SLCO3A1: variants seen among roughly 807,000 people sequenced by gnomAD.
The protein encoded by SLCO3A1 is solute carrier organic anion transporter family member 3A1, also known as PGE1 transporter.
SLCO3A1 carries 27 observed loss-of-function variants against 63.1 expected under a neutral mutation model. The ratio of observed to expected loss-of-function variants is 0.43; its 90% CI spans 0.32 to 0.59. The LOEUF (loss-of-function observed/expected upper bound fraction) is 0.59, where lower values mean the gene tolerates loss of function less well. SLCO3A1 is among the 20% of genes least tolerant of loss of function. The pLI is 0.09. For missense variants in SLCO3A1, 773 were observed against 945.8 expected, an observed-to-expected ratio of 0.82 and a Z score of 2.40; for synonymous variants, 473 against 409.9, an observed-to-expected ratio of 1.15 and a Z score of -1.86.
intron 2 of SLCO3A1, among the ~76,000 whole-genome samples, chr15:92,001,214 G>T (rs796534346): frequency 7.1e-6 from 1 of 140,728 alleles, no homozygotes; most frequent in Non-Finnish European, 1.6e-5. Context: ...GTGGGTGGGC[G>T]GGGGGGAGGG....
chr15:92,108,577 T>C (rs2047692322), intron 4 of SLCO3A1, among the ~76,000 whole-genome samples: 1 of 152,218 alleles, frequency 6.6e-6, no homozygotes, highest in Non-Finnish European at 1.5e-5. Context: ...AGATAGTGTA[T>C]TAAATATCAT....
downstream of SLCO3A1, among the ~76,000 whole-genome samples, chr15:92,166,399 G>C (rs2048493963): frequency 6.6e-6 from 1 of 152,228 alleles, no homozygotes. Flanking sequence ...CTAGCAGGAG[G>C]GAGCGTGCCC....
At chr15:91,997,971 G>T (rs550499326) in intron 2 of SLCO3A1, among the ~76,000 whole-genome samples, 1 of 152,238 alleles carries the variant, frequency 6.6e-6, no homozygotes, top group African/African-American at 2.4e-5. Flanking sequence ...TTATGGCAAA[G>T]TCATCAAAAG....
intron 2 of SLCO3A1, among the ~76,000 whole-genome samples, chr15:91,995,621 A>T (rs1338586537): frequency 6.6e-6 from 1 of 151,934 alleles, no homozygotes; most frequent in Non-Finnish European, 1.5e-5. Context: ...GAGCAGACAG[A>T]GCCTTGGATG....
intron 2 of SLCO3A1, among the ~76,000 whole-genome samples, chr15:91,956,207 TGGCGTTCTACAGAATTC>T (rs982502284): frequency 6.6e-6 from 1 of 152,160 alleles, no homozygotes; most frequent in African/African-American, 2.4e-5. Flanking sequence ...GGTTGGTTTC[TGGCGTTCTACAGAATTC>T]CCTGGTGGCT....
At chr15:91,949,895 T>A (rs1270436366) in intron 2 of SLCO3A1, among the ~76,000 whole-genome samples, 1 of 152,082 alleles carries the variant, frequency 6.6e-6, no homozygotes, top group Non-Finnish European at 1.5e-5. Flanking sequence ...TGTTTCCAGC[T>A]ACTCGGGAGG....
chr15:91,853,735 A>G lies in SLCO3A1; in HGVS notation c.-174A>G. 6.2e-5 allele frequency: 23 copies of G among 370,658 alleles called. No homozygotes were observed. The highest frequency in any genetic ancestry group is 8.6e-5 in the Non-Finnish European group (23 of 267,402). The allele number at this position is 370,658 out of a possible 1,614,324, so 23.0% of individuals were successfully genotyped here. ...GATCGCGGCGGCGGCGGCGGCGGCGAGGAGCTGTGCCTTCCACCTCTCCAG... is the reference window on the plus strand; with the variant it reads ...GATCGCGGCGGCGGCGGCGGCGGCGGGGAGCTGTGCCTTCCACCTCTCCAG... On this transcript the variant is annotated 5_prime_UTR_variant, in exon 1 of 10. Transcript: ENST00000318445.
At chr15:91,998,593 C>T (rs1019502954) in intron 2 of SLCO3A1, among the ~76,000 whole-genome samples, 1 of 152,156 alleles carries the variant, frequency 6.6e-6, no homozygotes, top group Non-Finnish European at 1.5e-5. Flanking sequence ...CAACGAGATA[C>T]CATCTCATAC....
At chr15:91,879,019 C>T (rs1035935220) in intron 1 of SLCO3A1, among the ~76,000 whole-genome samples, 7 of 152,292 alleles carry the variant, frequency 4.6e-5, no homozygotes, top group African/African-American at 1.4e-4. Context: ...CTATGAAGTA[C>T]GTGACTCTAT....
At chr15:92,046,727 C>T (rs1051441410) in intron 2 of SLCO3A1, among the ~76,000 whole-genome samples, 61 of 151,522 alleles carry the variant, frequency 4.0e-4, no homozygotes, top group African/African-American at 1.5e-3. Flanking sequence ...TGATTTACTT[C>T]AGGTAGAGCA....
chr15:91,910,918 G>A (rs1386639534), intron 1 of SLCO3A1, among the ~76,000 whole-genome samples: 1 of 152,166 alleles, frequency 6.6e-6, no homozygotes, highest in Non-Finnish European at 1.5e-5. Flanking sequence ...TGAGAAGATG[G>A]ACACACCTCT....
intron 2 of SLCO3A1, among the ~76,000 whole-genome samples, chr15:92,029,555 T>C (rs1376809486): frequency 6.6e-6 from 1 of 152,224 alleles, no homozygotes; most frequent in East Asian, 1.9e-4. Flanking sequence ...GAAATACATA[T>C]TCTCTGTAGA....
At chr15:91,959,253 A>G (rs975260240) in intron 2 of SLCO3A1, among the ~76,000 whole-genome samples, 1 of 151,960 alleles carries the variant, frequency 6.6e-6, no homozygotes, top group Non-Finnish European at 1.5e-5. Context: ...GAGAGATATA[A>G]TGGACTCTGG....
intron 2 of SLCO3A1, among the ~76,000 whole-genome samples, chr15:91,944,003 A>T (rs1597143529): frequency 6.6e-6 from 1 of 152,090 alleles, no homozygotes; most frequent in South Asian, 2.1e-4. Context: ...GCTGCTCTTC[A>T]TTGGAAACTT....
At chr15:92,013,531 A>T (rs1011523354) in intron 2 of SLCO3A1, among the ~76,000 whole-genome samples, 3 of 152,296 alleles carry the variant, frequency 2.0e-5, no homozygotes, top group African/African-American at 7.2e-5. Flanking sequence ...CAGCACAGGG[A>T]GCCTTGAAAC....
chr15:92,033,860 T>C lies in SLCO3A1; in HGVS notation c.647-61021T>C, dbSNP rs546107319. ...CGGGAGGTTATCTGGAGGAAAAACA[T>C]TCCAGACAGACCAGTGAGGGCTGAG... On this transcript the variant is annotated intron_variant, in intron 2 of 9. Coordinates refer to ENST00000318445, the MANE Select transcript of SLCO3A1 (RefSeq NM_013272.4). This position sits in a 1 kb window ranked among gnomAD's most constrained non-coding sequence, Gnocchi z 4.5. Among the ~76,000 whole-genome samples, 3 of 151,986 alleles carry C rather than the reference T, an allele frequency of 2.0e-5. No homozygotes were observed. The highest frequency in any genetic ancestry group is 3.9e-4 in the East Asian group (2 of 5,164).
chr15:92,050,709 C>A (rs1241528392), intron 2 of SLCO3A1, among the ~76,000 whole-genome samples: 2 of 152,192 alleles, frequency 1.3e-5, no homozygotes, highest in African/African-American at 4.8e-5. Flanking sequence ...CCAGAATCAT[C>A]TTTTAGGTCA....
chr15:91,922,425 G>A (rs1898882908), intron 2 of SLCO3A1, among the ~76,000 whole-genome samples: 1 of 152,246 alleles, frequency 6.6e-6, no homozygotes, highest in South Asian at 2.1e-4. Flanking sequence ...GCAGCCCTCT[G>A]TGTTTCCGTT....
chr15:91,976,745 C>T (rs1035052591), intron 2 of SLCO3A1, among the ~76,000 whole-genome samples: 4 of 152,114 alleles, frequency 2.6e-5, no homozygotes, highest in Non-Finnish European at 5.9e-5. Context: ...TTGGTAGGTT[C>T]CGTGATGCCC....
Sources: allele counts gnomAD v4.1 joint callset (sites outside exome capture counted in the v4.1 genomes callset), GRCh38; gene constraint gnomAD v4.1.1; non-coding constraint Gnocchi (gnomAD v3.1); transcripts MANE v1.5; gene names NCBI Gene and HGNC (gene_info 2026-07-23, HGNC 2026-07-21).